ANKRD12: variants seen among roughly 807,000 people sequenced by gnomAD.
The protein encoded by ANKRD12 is ankyrin repeat domain 12, also known as ankyrin repeat domain-containing protein 12.
ANKRD12 carries 85 observed loss-of-function variants against 183.4 expected under a neutral mutation model. The ratio of observed to expected loss-of-function variants is 0.46; its 90% confidence interval spans 0.39 to 0.56. The LOEUF is 0.56. ANKRD12 is among the 20% of genes least tolerant of loss of function. The pLI is 0.00. For synonymous variants in ANKRD12, 914 were observed against 800.2 expected, an observed-to-expected ratio of 1.14 and a Z score of -2.40; for missense variants, 2,405 against 2,357.1, an observed-to-expected ratio of 1.02 and a Z score of -0.42.
At chr18:9,263,679 A>G in intron 9 of ANKRD12, 111 bp from the exon 10 acceptor site, 1 of 641,678 alleles carries the variant, frequency 1.6e-6, no homozygotes, top group Non-Finnish European at 2.4e-6. Flanking sequence ...TTTAATTCAC[A>G]GGACATCAGA....
intron 1 of ANKRD12, among the ~76,000 whole-genome samples, chr18:9,170,077 G>C (rs960621339): frequency 6.6e-6 from 1 of 152,244 alleles, no homozygotes; most frequent in Admixed American, 6.5e-5. Context: ...TCTGCCGAGA[G>C]ATCAGCTGTT....
At chr18:9,150,722 C>A (rs1332138079) in intron 1 of ANKRD12, among the ~76,000 whole-genome samples, 2 of 151,912 alleles carry the variant, frequency 1.3e-5, no homozygotes, top group Non-Finnish European at 2.9e-5. Flanking sequence ...GGTGTGATTT[C>A]GGCTCACTGC....
rs1027383570 is a variant in ANKRD12 at position 9,190,741 on chromosome 18, A to G, written c.88-4810A>G. Among the ~76,000 whole-genome samples the G allele has an allele frequency of 1.5e-4, 23 of 152,340 alleles. 1 individual carries two copies. The highest frequency in any genetic ancestry group is 3.4e-3 in the Middle Eastern group (1 of 294). ...CTCACCGATGGCCCATGCAATCTTT[A>G]GCATATTTTAGTATATTTAGTACTT... is the stretch of plus-strand genomic sequence containing the variant. On this transcript the variant is annotated intron_variant, in intron 2 of 12. Coordinates refer to ENST00000262126, the MANE Select transcript of ANKRD12 (RefSeq NM_015208.5).
chr18:9,242,995 A>C (rs1356259509), intron 8 of ANKRD12, among the ~76,000 whole-genome samples: 2 of 152,194 alleles, frequency 1.3e-5, no homozygotes, highest in African/African-American at 4.8e-5. Flanking sequence ...AAATTTAGAA[A>C]TGGAAATTTA....
intron 9 of ANKRD12, among the ~76,000 whole-genome samples, chr18:9,262,089 A>G (rs1038819889): frequency 8.5e-5 from 13 of 152,222 alleles, no homozygotes; most frequent in African/African-American, 2.7e-4. Flanking sequence ...TTGTGATTCA[A>G]CTGATTGAGT....
intron 4 of ANKRD12, among the ~76,000 whole-genome samples, chr18:9,206,068 TC>T (rs1297483194): frequency 6.6e-6 from 1 of 152,130 alleles, no homozygotes; most frequent in Admixed American, 6.6e-5. Context: ...TATCTGAAGA[TC>T]CTCTAAACCT....
chr18:9,230,222 A>G (rs775872300), intron 8 of ANKRD12, among the ~76,000 whole-genome samples: 10 of 152,118 alleles, frequency 6.6e-5, no homozygotes, highest in Non-Finnish European at 1.3e-4. Context: ...CAGGTTGTAT[A>G]TTTCCAGGAC....
At chr18:9,166,093 G>C (rs2032034037) in intron 1 of ANKRD12, among the ~76,000 whole-genome samples, 3 of 151,912 alleles carry the variant, frequency 2.0e-5, no homozygotes, top group Admixed American at 2.0e-4. Flanking sequence ...GTGTATATGT[G>C]CCACATTTTC....
intron 10 of ANKRD12, 55 bp from the exon 11 acceptor site, chr18:9,275,469 C>CT: frequency 6.4e-7 from 1 of 1,555,612 alleles, no homozygotes; most frequent in Non-Finnish European, 8.8e-7. Flanking sequence ...TAAGACTGTT[C>CT]TTAAACAAAA....
At chr18:9,175,288 G>A (rs999066898) in intron 1 of ANKRD12, among the ~76,000 whole-genome samples, 15 of 152,222 alleles carry the variant, frequency 9.9e-5, no homozygotes, top group African/African-American at 3.6e-4. Flanking sequence ...GTAGCATTCA[G>A]ATATGCAAAT....
At chr18:9,142,235 A>G (rs1026970284) in intron 1 of ANKRD12, among the ~76,000 whole-genome samples, 4 of 152,232 alleles carry the variant, frequency 2.6e-5, no homozygotes, top group Non-Finnish European at 5.9e-5. Context: ...TGACTCTCAA[A>G]AGAAAAATAG....
At chr18:9,138,417 G>T (rs1473957100) in intron 1 of ANKRD12, among the ~76,000 whole-genome samples, 1 of 152,234 alleles carries the variant, frequency 6.6e-6, no homozygotes, top group Non-Finnish European at 1.5e-5. Context: ...GGAAGCCGAG[G>T]CAGGGGAATC....
intron 1 of ANKRD12, among the ~76,000 whole-genome samples, chr18:9,145,263 C>T (rs1269129538): frequency 2.0e-5 from 3 of 152,170 alleles, no homozygotes; most frequent in African/African-American, 7.2e-5. Context: ...GCTGGGATTG[C>T]AGGCATATGC....
At chr18:9,225,960 T>C (rs537200981) in intron 8 of ANKRD12, among the ~76,000 whole-genome samples, 2 of 152,048 alleles carry the variant, frequency 1.3e-5, no homozygotes, top group African/African-American at 4.8e-5. Flanking sequence ...TTTTTTGATA[T>C]GTTTTATAAG....
chr18:9,170,477 C>T (rs1389708473), intron 1 of ANKRD12, among the ~76,000 whole-genome samples: 10 of 152,172 alleles, frequency 6.6e-5, no homozygotes, highest in Non-Finnish European at 1.5e-4. Flanking sequence ...GTCACTTATA[C>T]CCTTTCTTCC....
intron 4 of ANKRD12, among the ~76,000 whole-genome samples, chr18:9,206,298 A>G (rs1262789468): frequency 6.6e-6 from 1 of 152,094 alleles, no homozygotes; most frequent in Non-Finnish European, 1.5e-5. Flanking sequence ...TTTTGCAGGT[A>G]CTGAATCTTG....
intron 6 of ANKRD12, among the ~76,000 whole-genome samples, chr18:9,212,315 T>G (rs544655501): frequency 2.0e-5 from 3 of 151,854 alleles, no homozygotes; most frequent in Non-Finnish European, 4.4e-5. Context: ...TTCTCTTCCA[T>G]AGAACTATGG....
At chr18:9,164,564 G>A (rs931877279) in intron 1 of ANKRD12, among the ~76,000 whole-genome samples, 2 of 152,098 alleles carry the variant, frequency 1.3e-5, no homozygotes, top group Admixed American at 6.5e-5. Context: ...TCTTAACACC[G>A]TTTTAGCTGC....
chr18:9,257,719 C>A lies in ANKRD12; in HGVS notation c.4452C>A (p.Ser1484=), dbSNP rs535140467. 1 of 1,614,070 alleles carries A rather than the reference C, an allele frequency of 6.2e-7. No individual in the cohort carries two copies. The highest frequency in any genetic ancestry group is 1.1e-5 in the South Asian group (1 of 91,084). The part of the protein sequence containing the change: ...PGNSCAQDPA[S]FMPPQQPCSF... ...ACTCTTGTGCTCAGGATCCGGCATC[C>A]TTTATGCCTCCACAGCAGCCTTGCT... The change falls in exon 9 of 13, where the codon TCC becomes TCA. Residue 1484 remains serine, a synonymous_variant. Transcript: ENST00000262126.
Sources: allele counts gnomAD v4.1 joint callset (sites outside exome capture counted in the v4.1 genomes callset), GRCh38; gene constraint gnomAD v4.1.1; transcripts MANE v1.5; gene names NCBI Gene and HGNC (gene_info 2026-07-23, HGNC 2026-07-21).